Variants in DCAF8L2 observed in about 807,000 individuals in gnomAD.
DCAF8L2 encodes DDB1- and CUL4-associated factor 8-like protein 2.
For synonymous variants in DCAF8L2, 200 were observed against 190.9 expected, an observed-to-expected ratio of 1.05 and a Z score of -0.39; for missense variants, 430 against 490.7, an observed-to-expected ratio of 0.88 and a Z score of 1.17.
At chrX:27,737,901 A>G (rs1026513211) in intron 4 of DCAF8L2, among the ~76,000 whole-genome samples, 1 of 111,451 alleles carries the variant, frequency 9.0e-6, no homozygotes, top group African/African-American at 3.3e-5. Flanking sequence ...CAAAATCATT[A>G]CTGGTTTGCA....
intron 2 of DCAF8L2, among the ~76,000 whole-genome samples, chrX:27,634,064 C>T (rs1347859286): frequency 9.0e-6 from 1 of 111,324 alleles, no homozygotes; most frequent in Non-Finnish European, 1.9e-5. Context: ...ATGTCCCATT[C>T]AGTTTTGTAT....
In DCAF8L2 at chrX:27,748,496, A is replaced by G; in HGVS notation, c.1601A>G (p.Asp534Gly). Residue 534 changes from aspartate (D) to glycine (G), a missense_variant, in exon 5 of 5, where the codon GAT (aspartate) becomes GGT (glycine). Transcript: ENST00000451261. ...YLPVLACSGL[D>G]HDVKIWTPTA... ...CCTGTGTTGGCGTGCAGTGGCCTAG[A>G]TCATGATGTCAAGATCTGGACACCC... 8.3e-7 allele frequency: 1 copy of G among 1,211,033 alleles called. No homozygotes were observed. The highest frequency in any genetic ancestry group is 1.1e-6 in the Non-Finnish European group (1 of 894,940).
chrX:27,691,117 A>AT (rs774758946), intron 3 of DCAF8L2, among the ~76,000 whole-genome samples: 1 of 112,049 alleles, frequency 8.9e-6, no homozygotes. Flanking sequence ...CATTTAATAT[A>AT]TTGAGGAAAA....
the DCAF8L2 span, among the ~76,000 whole-genome samples, chrX:27,547,053 C>G: frequency 8.9e-6 from 1 of 112,083 alleles, no homozygotes; most frequent in East Asian, 2.8e-4. Flanking sequence ...TGCTGTGCTT[C>G]CCTTTTAAAC....
At chrX:27,653,987 T>C (rs1293856308) in intron 2 of DCAF8L2, among the ~76,000 whole-genome samples, 1 of 111,507 alleles carries the variant, frequency 9.0e-6, no homozygotes, top group Non-Finnish European at 1.9e-5. Context: ...CCCCTCTCCT[T>C]CCAGGCACTT....
At chrX:27,645,915 AG>A (rs1226260334) in intron 2 of DCAF8L2, among the ~76,000 whole-genome samples, 1 of 111,622 alleles carries the variant, frequency 9.0e-6, no homozygotes, top group East Asian at 2.8e-4. Flanking sequence ...GAAATCAGAG[AG>A]GACACAAGCA....
intron 4 of DCAF8L2, among the ~76,000 whole-genome samples, chrX:27,744,906 T>C (rs778869710): frequency 3.6e-5 from 4 of 112,332 alleles, no homozygotes; most frequent in South Asian, 3.7e-4. Context: ...CTGCCTCTTG[T>C]ACAGCCTGCT....
chrX:27,485,924 CTTTTTTTTT>C, the DCAF8L2 span, among the ~76,000 whole-genome samples: 1 of 58,839 alleles, frequency 1.7e-5, no homozygotes, highest in South Asian at 1.6e-3. Context: ...TTCTTTTTCT[CTTTTTTTTT>C]TTTTTTTTTT....
At chrX:27,517,939 G>C in the DCAF8L2 span, 1 of 1,197,941 alleles carries the variant, frequency 8.3e-7, no homozygotes, top group Non-Finnish European at 1.1e-6. Flanking sequence ...GTTGGTTTGC[G>C]TGAGGTCTGG....
chrX:27,606,478 C>T (rs1370097148), intron 1 of DCAF8L2, among the ~76,000 whole-genome samples: 1 of 100,546 alleles, frequency 9.9e-6, no homozygotes, highest in African/African-American at 3.7e-5. Flanking sequence ...TGAAGCGATT[C>T]TCCTGCCACA....
At chrX:27,559,697 C>T in the DCAF8L2 span, among the ~76,000 whole-genome samples, 1 of 111,353 alleles carries the variant, frequency 9.0e-6, no homozygotes, top group Non-Finnish European at 1.9e-5. Context: ...GCAGTCTGAC[C>T]TCAACTAGTC....
At chrX:27,699,091 A>G (rs1931035029) in intron 3 of DCAF8L2, among the ~76,000 whole-genome samples, 1 of 111,958 alleles carries the variant, frequency 8.9e-6, no homozygotes, top group Admixed American at 9.5e-5. Context: ...ATAAATAAAT[A>G]GCTAATAAGC....
chrX:27,675,548 A>G (rs1930110378), intron 2 of DCAF8L2, among the ~76,000 whole-genome samples: 1 of 112,008 alleles, frequency 8.9e-6, no homozygotes, highest in South Asian at 3.7e-4. Context: ...GCCGGTTGAA[A>G]TTTTAATGGT....
chrX:27,548,570 G>A, the DCAF8L2 span, among the ~76,000 whole-genome samples: 2 of 111,960 alleles, frequency 1.8e-5, no homozygotes, highest in East Asian at 5.6e-4. Flanking sequence ...CTACACCAAA[G>A]AATGGTGATC....
the DCAF8L2 span, among the ~76,000 whole-genome samples, chrX:27,528,112 A>AT: frequency 7.1e-5 from 7 of 98,788 alleles, no homozygotes; most frequent in African/African-American, 2.5e-4. Flanking sequence ...ATTTAATTTA[A>AT]TTAATTATTA....
the DCAF8L2 span, among the ~76,000 whole-genome samples, chrX:27,491,651 C>G: frequency 3.7e-3 from 418 of 112,185 alleles, no homozygotes; most frequent in African/African-American, 0.013. Flanking sequence ...AACTGCAAAT[C>G]TCTTTGAGGA....
intron 4 of DCAF8L2, among the ~76,000 whole-genome samples, chrX:27,735,028 G>A (rs946551623): frequency 2.7e-5 from 3 of 111,984 alleles, no homozygotes; most frequent in African/African-American, 9.7e-5. Context: ...AAAGTGATTA[G>A]AGTTGGGGGC....
chrX:27,744,986 C>T (rs1922088754), intron 4 of DCAF8L2, among the ~76,000 whole-genome samples: 1 of 111,920 alleles, frequency 8.9e-6, no homozygotes, highest in Admixed American at 9.5e-5. Context: ...TAGAGCAAAG[C>T]GAAATGGACT....
At chrX:27,552,999 G>A in the DCAF8L2 span, among the ~76,000 whole-genome samples, 1 of 111,261 alleles carries the variant, frequency 9.0e-6, no homozygotes, top group Admixed American at 9.6e-5. Context: ...ACTTATTCCT[G>A]GGTATTTTAT....
Sources: allele counts gnomAD v4.1 joint callset (sites outside exome capture counted in the v4.1 genomes callset), GRCh38; gene constraint gnomAD v4.1.1; transcripts MANE v1.5; gene names NCBI Gene and HGNC (gene_info 2026-07-23, HGNC 2026-07-21).